PTPRG: variants seen among roughly 807,000 people sequenced by gnomAD.
PTPRG encodes the protein receptor-type tyrosine-protein phosphatase gamma.
PTPRG carries 102 observed loss-of-function variants against 165.3 expected under a neutral mutation model. The ratio of observed to expected loss-of-function variants is 0.62; its 90% CI spans 0.53 to 0.73. The LOEUF (loss-of-function observed/expected upper bound fraction) is 0.73. Ranked by LOEUF, PTPRG falls within the 30% of genes least tolerant of loss-of-function variation. The probability of loss-of-function intolerance (pLI) is 0.00; values close to 1 mark genes in which losing one functional copy is unlikely to be tolerated. For missense variants in PTPRG, 1,866 were observed against 1,861.4 expected, an observed-to-expected ratio of 1.00 and a Z score of -0.05; for synonymous variants, 675 against 669.5, an observed-to-expected ratio of 1.01 and a Z score of -0.13.
intron 1 of PTPRG, among the ~76,000 whole-genome samples, chr3:61,563,621 A>AG (rs1699826658): frequency 6.6e-6 from 1 of 152,012 alleles, no homozygotes; most frequent in Non-Finnish European, 1.5e-5. Context: ...TCATCCATCA[A>AG]CTCCTGCATA....
chr3:62,127,179 C>T (rs983623646), intron 5 of PTPRG, among the ~76,000 whole-genome samples: 2 of 152,200 alleles, frequency 1.3e-5, no homozygotes, highest in Non-Finnish European at 2.9e-5. Context: ...AGGCAGTGAT[C>T]TCTTTCTGGG....
intron 2 of PTPRG, among the ~76,000 whole-genome samples, chr3:61,963,605 A>G (rs1339037864): frequency 6.6e-6 from 1 of 152,200 alleles, no homozygotes; most frequent in African/African-American, 2.4e-5. Context: ...ATTTAAAGAC[A>G]GTATTTTATT....
At chr3:61,968,832 G>GA (rs893692606) in intron 2 of PTPRG, among the ~76,000 whole-genome samples, 29 of 152,296 alleles carry the variant, frequency 1.9e-4, no homozygotes, top group Middle Eastern at 3.4e-3. Flanking sequence ...ACTGTGGAAA[G>GA]AAAATCTGTG....
intron 1 of PTPRG, among the ~76,000 whole-genome samples, chr3:61,637,198 G>T (rs1468197849): frequency 6.6e-6 from 1 of 152,136 alleles, no homozygotes; most frequent in Non-Finnish European, 1.5e-5. Context: ...AGATGTCCTG[G>T]CATTATGGAA....
At chr3:61,867,046 GCT>G (rs2037431973) in intron 2 of PTPRG, among the ~76,000 whole-genome samples, 1 of 152,122 alleles carries the variant, frequency 6.6e-6, no homozygotes, top group South Asian at 2.1e-4. Context: ...GCCAGGAGTA[GCT>G]CTTCATCAGA....
chr3:62,250,292 T>C (rs936795252), intron 15 of PTPRG, among the ~76,000 whole-genome samples: 6 of 152,206 alleles, frequency 3.9e-5, no homozygotes, highest in East Asian at 1.9e-4. Flanking sequence ...TTTCCACTTA[T>C]ACCGCTGCCT....
intron 6 of PTPRG, among the ~76,000 whole-genome samples, chr3:62,148,590 C>G (rs1177656743): frequency 2.0e-5 from 3 of 151,950 alleles, no homozygotes; most frequent in African/African-American, 4.8e-5. Context: ...ATGGTGAAAC[C>G]CTGTCTCTAC....
chr3:61,778,595 G>C (rs1009411533), intron 2 of PTPRG, among the ~76,000 whole-genome samples: 7 of 152,046 alleles, frequency 4.6e-5, no homozygotes, highest in African/African-American at 1.7e-4. Flanking sequence ...CCTGCCCCCA[G>C]ACCCTATTCT....
At chr3:61,726,144 A>G (rs949349436) in intron 1 of PTPRG, among the ~76,000 whole-genome samples, 1 of 152,146 alleles carries the variant, frequency 6.6e-6, no homozygotes, top group Admixed American at 6.5e-5. Flanking sequence ...ATACTCTATG[A>G]CCTTGTGACA....
At chr3:61,972,199 G>A (rs2107661235) in intron 2 of PTPRG, among the ~76,000 whole-genome samples, 1 of 152,324 alleles carries the variant, frequency 6.6e-6, no homozygotes, top group South Asian at 2.1e-4. Context: ...TGTTACTCTA[G>A]GTAGGCTGAG....
intron 8 of PTPRG, among the ~76,000 whole-genome samples, chr3:62,188,134 G>A (rs1699710196): frequency 6.6e-6 from 1 of 152,188 alleles, no homozygotes; most frequent in African/African-American, 2.4e-5. Flanking sequence ...AGTACTTTGG[G>A]AGGCCAAACA....
rs1553643310 is a variant in PTPRG, at chr3:62,160,888, T to TC, written c.840+3665dup. ...GATTTTTTTTTTTTTTTTTTTTTTT[T>TC]CTGACAGTAAGCTGGAGTGGACAGA... On this transcript the variant is annotated intron_variant, in intron 7 of 29. Transcript: ENST00000474889. Among the ~76,000 whole-genome samples the TC allele has an allele frequency of 4.5e-3, 652 of 145,202 alleles. 9 individuals are homozygous for TC. The highest frequency in any genetic ancestry group is 0.016 in the African/African-American group (623 of 38,892).
intron 2 of PTPRG, among the ~76,000 whole-genome samples, chr3:61,820,207 T>C (rs1409613708): frequency 6.6e-6 from 1 of 152,224 alleles, no homozygotes; most frequent in Non-Finnish European, 1.5e-5. Flanking sequence ...CACAGTCTGC[T>C]GTCTGTAAGC....
intron 5 of PTPRG, among the ~76,000 whole-genome samples, chr3:62,085,660 TTCTTGC>T (rs1701728746): frequency 6.6e-6 from 1 of 152,262 alleles, no homozygotes; most frequent in South Asian, 2.1e-4. Context: ...TGTTAACTTT[TTCTTGC>T]TCTTGCTATT....
At chr3:61,697,406 C>T (rs2030667128) in intron 1 of PTPRG, among the ~76,000 whole-genome samples, 1 of 152,112 alleles carries the variant, frequency 6.6e-6, no homozygotes, top group Admixed American at 6.5e-5. Context: ...TCTGGAATTC[C>T]CCATATCTGA....
At chr3:61,653,308 T>G (rs1702411956) in intron 1 of PTPRG, among the ~76,000 whole-genome samples, 1 of 152,192 alleles carries the variant, frequency 6.6e-6, no homozygotes, top group Non-Finnish European at 1.5e-5. Context: ...CCCCATTTCT[T>G]TAAATTATCC....
chr3:62,218,748 A>G, intron 12 of PTPRG, 103 bp from the exon 13 acceptor site: 1 of 1,430,792 alleles, frequency 7.0e-7, no homozygotes, highest in Non-Finnish European at 9.5e-7. Flanking sequence ...CAAATGGCCC[A>G]GTTCGCCAGA....
chr3:62,193,563 A>G (rs987915004), intron 9 of PTPRG, among the ~76,000 whole-genome samples: 3 of 152,204 alleles, frequency 2.0e-5, no homozygotes, highest in African/African-American at 7.2e-5. Flanking sequence ...AGTAATACAT[A>G]TCATTTGAGC....
At chr3:62,166,092 C>G (rs1027788343) in intron 7 of PTPRG, among the ~76,000 whole-genome samples, 2 of 151,858 alleles carry the variant, frequency 1.3e-5, no homozygotes, top group Non-Finnish European at 2.9e-5. Flanking sequence ...TTATTTGGCA[C>G]CAGAGGATCC....
Sources: gnomAD v4.1 joint callset for allele counts (sites outside exome capture counted in the v4.1 genomes callset) on GRCh38, gnomAD v4.1.1 for gene constraint, MANE v1.5 for transcripts, NCBI Gene and HGNC (gene_info 2026-07-23, HGNC 2026-07-21) for gene names.